Variants in ABAT observed in about 807,000 individuals in gnomAD.
The protein encoded by ABAT is 4-aminobutyrate aminotransferase, mitochondrial.
Under a neutral mutation model 64.6 loss-of-function variants are expected in ABAT, and 45 were observed. The ratio of observed to expected loss-of-function variants is 0.70; its 90% CI spans 0.55 to 0.89. The LOEUF (loss-of-function observed/expected upper bound fraction) is 0.89. ABAT is among the 40% of genes least tolerant of loss of function. The probability of loss-of-function intolerance (pLI) is 0.00; values close to 1 mark genes in which losing one functional copy is unlikely to be tolerated. For missense variants in ABAT, 633 were observed against 658.4 expected (o/e 0.96, Z 0.42); for synonymous variants, 297 against 250.5 (o/e 1.19, Z -1.75).
intron 1 of ABAT, among the ~76,000 whole-genome samples, chr16:8,686,515 C>G (rs2057460044): frequency 1.3e-5 from 2 of 152,196 alleles, no homozygotes; most frequent in South Asian, 4.1e-4. Flanking sequence ...AGTAGCCACT[C>G]ACATTGGCTG....
chr16:8,725,883 A>C (rs908109834), intron 1 of ABAT, among the ~76,000 whole-genome samples: 2 of 152,176 alleles, frequency 1.3e-5, no homozygotes, highest in African/African-American at 4.8e-5. Flanking sequence ...CTTACTCCTC[A>C]TCAACTCCCA....
At chr16:8,703,133 TAA>T (rs1392595964) in intron 1 of ABAT, among the ~76,000 whole-genome samples, 1 of 151,998 alleles carries the variant, frequency 6.6e-6, no homozygotes, top group Non-Finnish European at 1.5e-5. Flanking sequence ...AGTAATGATA[TAA>T]AAGTTTCCAC....
intron 1 of ABAT, chr16:8,713,631 T>G: frequency 3.2e-6 from 1 of 316,200 alleles, no homozygotes; most frequent in East Asian, 8.3e-5. Context: ...GAGTGCATCC[T>G]TTTCCCAAAC....
At chr16:8,696,133 A>G (rs1250928038) in intron 1 of ABAT, among the ~76,000 whole-genome samples, 4 of 152,206 alleles carry the variant, frequency 2.6e-5, no homozygotes, top group African/African-American at 9.6e-5. Flanking sequence ...ACTCAAACCC[A>G]GGTCTGAGTG....
chr16:8,741,478 T>C (rs1222941128), intron 2 of ABAT, among the ~76,000 whole-genome samples: 3 of 152,226 alleles, frequency 2.0e-5, no homozygotes, highest in African/African-American at 4.8e-5. Context: ...TCTTCTGTAA[T>C]GTAAGAATAA....
intron 3 of ABAT, 22 bp downstream of exon 3, chr16:8,746,120 G>T (rs559986246): frequency 6.3e-7 from 1 of 1,593,084 alleles, no homozygotes; most frequent in Admixed American, 1.7e-5. Context: ...ACACCTGAGT[G>T]GGGTATTTTG....
At chr16:8,716,966 C>T (rs72768196) in intron 1 of ABAT, among the ~76,000 whole-genome samples, 11,411 of 152,034 alleles carry the variant, frequency 0.075, 491 homozygotes, top group Middle Eastern at 0.14. Context: ...AGCACACATC[C>T]GAAAAAGAAA....
chr16:8,684,708 G>A (rs192254734), intron 1 of ABAT, among the ~76,000 whole-genome samples: 49 of 136,676 alleles, frequency 3.6e-4, no homozygotes, highest in African/African-American at 1.4e-3. Flanking sequence ...GGACAACAGA[G>A]TGAGATCCTG....
At chr16:8,721,030 C>G (rs1399788212) in intron 1 of ABAT, 1 of 152,170 alleles carries the variant, frequency 6.6e-6, no homozygotes. Flanking sequence ...GCTGGGGAAA[C>G]AGTAAGGACT....
intron 1 of ABAT, chr16:8,715,433 T>A (rs931098173): frequency 3.3e-5 from 5 of 152,034 alleles, no homozygotes; most frequent in Non-Finnish European, 7.4e-5. Context: ...GCCTCAGGAA[T>A]ATAGGGAGAC....
intron 1 of ABAT, among the ~76,000 whole-genome samples, chr16:8,681,216 C>T (rs1233960823): frequency 6.6e-6 from 1 of 151,208 alleles, no homozygotes; most frequent in Admixed American, 6.6e-5. Flanking sequence ...GTTTTGAACT[C>T]CTAGGATCAA....
At chr16:8,681,676 C>T (rs1429860109) in intron 1 of ABAT, among the ~76,000 whole-genome samples, 1 of 143,082 alleles carries the variant, frequency 7.0e-6, no homozygotes, top group Non-Finnish European at 1.5e-5. Context: ...GAGTCTTGCT[C>T]TGTTGCCCAG....
chr16:8,722,224 C>G (rs781114416), intron 1 of ABAT, among the ~76,000 whole-genome samples: 5 of 152,204 alleles, frequency 3.3e-5, no homozygotes, highest in African/African-American at 1.2e-4. Context: ...GAATAACTTG[C>G]TTTGATTTTA....
intron 1 of ABAT, among the ~76,000 whole-genome samples, chr16:8,683,087 C>T (rs770831402): frequency 3.3e-5 from 5 of 152,166 alleles, no homozygotes; most frequent in East Asian, 3.8e-4. Flanking sequence ...CTTTGCCTGA[C>T]GTTATCTCTT....
intron 5 of ABAT, among the ~76,000 whole-genome samples, chr16:8,753,091 TC>T (rs377179310): frequency 3.4e-5 from 5 of 146,106 alleles, no homozygotes; most frequent in African/African-American, 1.2e-4. Context: ...CCAAGCTTAT[TC>T]TTTTTTTTTT....
chr16:8,737,786 G>T (rs1028579784), intron 2 of ABAT, among the ~76,000 whole-genome samples: 5 of 150,594 alleles, frequency 3.3e-5, no homozygotes, highest in Admixed American at 2.7e-4. Flanking sequence ...AAATTAGCCG[G>T]GTGTGGTGGC....
chr16:8,676,719 A>G (rs541262147), intron 1 of ABAT, among the ~76,000 whole-genome samples: 1 of 152,196 alleles, frequency 6.6e-6, no homozygotes, highest in Non-Finnish European at 1.5e-5. Context: ...CCTCACTTGC[A>G]TAGCTGGGTT....
At chr16:8,729,086 T>C (rs3095513) in intron 1 of ABAT, among the ~76,000 whole-genome samples, 115,593 of 151,566 alleles carry the variant, frequency 0.76, 44,438 homozygotes, top group Admixed American at 0.86. Flanking sequence ...GCAGGCAGAT[T>C]ACTTGAGCTC....
intron 6 of ABAT, among the ~76,000 whole-genome samples, chr16:8,762,234 A>G (rs925049602): frequency 3.9e-5 from 6 of 152,242 alleles, no homozygotes; most frequent in Non-Finnish European, 5.9e-5. Flanking sequence ...ATAATCATGG[A>G]CATTGCATGT....
Sources: allele counts gnomAD v4.1 joint callset (sites outside exome capture counted in the v4.1 genomes callset), GRCh38; gene constraint gnomAD v4.1.1; transcripts MANE v1.5; gene names NCBI Gene and HGNC (gene_info 2026-07-23, HGNC 2026-07-21).